Variants in ADIPOR2 observed in about 807,000 individuals in gnomAD.
The protein encoded by ADIPOR2 is adiponectin receptor protein 2.
In ADIPOR2, 18 loss-of-function variants were observed where a neutral mutation model predicts 40.9. That is an observed-to-expected ratio of 0.44 (90% CI 0.30 to 0.65). ADIPOR2 has a LOEUF of 0.65. Ranked by LOEUF, ADIPOR2 falls within the 30% of genes least tolerant of loss-of-function variation. The pLI is 0.09. For synonymous variants in ADIPOR2, 165 were observed against 166.4 expected (o/e 0.99, Z 0.06); for missense variants, 283 against 479.2 (o/e 0.59, Z 3.82).
intron 4 of ADIPOR2, 49 bp from the exon 5 acceptor site, chr12:1,780,402 C>A: frequency 6.8e-7 from 1 of 1,471,280 alleles, no homozygotes; most frequent in Non-Finnish European, 9.1e-7. Flanking sequence ...ATAATACTGT[C>A]TCTTCTAAAG....
chr12:1,784,157 T>G (rs146703640), intron 7 of ADIPOR2, 84 bp downstream of exon 7: 35 of 1,396,840 alleles, frequency 2.5e-5, no homozygotes, highest in Non-Finnish European at 3.2e-5. Flanking sequence ...AGAAAAAGTT[T>G]TAGACACAAA....
At chr12:1,760,691 A>G (rs953251151) in intron 2 of ADIPOR2, 4 of 152,204 alleles carry the variant, frequency 2.6e-5, no homozygotes, top group African/African-American at 9.7e-5. Flanking sequence ...ATTCCATTGT[A>G]TGGATATACA....
At chr12:1,701,427 AT>A (rs2094650037) in intron 1 of ADIPOR2, among the ~76,000 whole-genome samples, 1 of 152,124 alleles carries the variant, frequency 6.6e-6, no homozygotes, top group Admixed American at 6.5e-5. Context: ...TGGCCTGATC[AT>A]TTTTAATGCA....
chr12:1,774,492 C>T lies in ADIPOR2; in HGVS notation c.291+1531C>T, dbSNP rs548276421. ...CAGTGCAACTGACCACACTTGAAAACCAGCCGTGTCTAGTGGCACAGGGAT... is the reference window on the plus strand; with the variant it reads ...CAGTGCAACTGACCACACTTGAAAATCAGCCGTGTCTAGTGGCACAGGGAT... On this transcript the variant is annotated intron_variant, in intron 3 of 7. Coordinates refer to ENST00000357103, the MANE Select transcript of ADIPOR2 (RefSeq NM_024551.3). 1.3e-4 allele frequency among the ~76,000 whole-genome samples: 20 copies of T among 152,330 alleles called. No homozygotes were observed. The East Asian group carries it at 3.5e-3, about 26-fold the overall frequency.
chr12:1,748,614 A>G (rs1050360515), intron 1 of ADIPOR2, among the ~76,000 whole-genome samples: 2 of 151,818 alleles, frequency 1.3e-5, no homozygotes, highest in African/African-American at 4.8e-5. Context: ...ACCTAAATTT[A>G]CAGGTTGAAG....
rs181184460 is a variant in ADIPOR2 at position 1,773,793 on chromosome 12, G to A, written c.291+832G>A. 6.9e-3 allele frequency among the ~76,000 whole-genome samples: 1,052 copies of A among 152,196 alleles called. 8 individuals are homozygous for A. Among genetic ancestry groups the A allele is most frequent in the Non-Finnish European group, 0.011 (754 of 67,994 alleles). On this transcript the variant is annotated intron_variant, in intron 3 of 7. Coordinates refer to ENST00000357103, the MANE Select transcript of ADIPOR2 (RefSeq NM_024551.3). ...CTTTTATGAAACCAAAACTTTTTAT[G>A]TACATGGTCTTAGATCCAGGAGACT...
chr12:1,725,114 CCGCAAACTTTCTT>C (rs2094705235), intron 1 of ADIPOR2, among the ~76,000 whole-genome samples: 1 of 123,198 alleles, frequency 8.1e-6, no homozygotes, highest in African/African-American at 2.9e-5. Context: ...CATCCAAATA[CCGCAAACTTTCTT>C]TTTTTTTTTT....
At chr12:1,708,600 G>A (rs1280510435) in intron 1 of ADIPOR2, among the ~76,000 whole-genome samples, 2 of 152,038 alleles carry the variant, frequency 1.3e-5, no homozygotes, top group Non-Finnish European at 2.9e-5. Flanking sequence ...ATATCCAGTT[G>A]TTCAAGCACC....
intron 1 of ADIPOR2, among the ~76,000 whole-genome samples, chr12:1,723,577 T>C (rs1039655539): frequency 1.3e-4 from 20 of 151,358 alleles, no homozygotes; most frequent in Admixed American, 2.0e-4. Context: ...GAGGTGGAGG[T>C]TGCAGTGAGC....
intron 1 of ADIPOR2, among the ~76,000 whole-genome samples, chr12:1,754,035 A>G (rs1862059809): frequency 6.6e-6 from 1 of 152,218 alleles, no homozygotes; most frequent in Non-Finnish European, 1.5e-5. Flanking sequence ...ATATTTTTAT[A>G]ACATATAAGT....
At chr12:1,737,301 G>A (rs372541951) in intron 1 of ADIPOR2, among the ~76,000 whole-genome samples, 1 of 152,000 alleles carries the variant, frequency 6.6e-6, no homozygotes. Context: ...AAGTTGTTTT[G>A]TTTTGAGAGA....
chr12:1,724,538 A>G (rs2094704066), intron 1 of ADIPOR2, among the ~76,000 whole-genome samples: 1 of 152,184 alleles, frequency 6.6e-6, no homozygotes. Flanking sequence ...TCAGTTTTGC[A>G]AGTTGTAGAG....
At chr12:1,741,961 C>A in intron 1 of ADIPOR2, among the ~76,000 whole-genome samples, 1 of 150,320 alleles carries the variant, frequency 6.7e-6, no homozygotes, top group South Asian at 2.1e-4. Context: ...ATATCTCTTT[C>A]AAAAAGAATT....
intron 4 of ADIPOR2, chr12:1,778,505 A>C (rs1236916426): frequency 6.6e-6 from 1 of 152,494 alleles, no homozygotes; most frequent in Admixed American, 6.5e-5. Context: ...TGCTGGGATA[A>C]CTGAGCCATA....
At chr12:1,704,732 A>G (rs970168420) in intron 1 of ADIPOR2, among the ~76,000 whole-genome samples, 1 of 152,218 alleles carries the variant, frequency 6.6e-6, no homozygotes, top group Admixed American at 6.5e-5. Context: ...TTTAAGTATG[A>G]AGACCATTTT....
At chr12:1,778,526 T>G (rs1862646913) in intron 4 of ADIPOR2, 1 of 152,278 alleles carries the variant, frequency 6.6e-6, no homozygotes, top group South Asian at 2.1e-4. Context: ...TGTAAAAGAA[T>G]GATCCCGAAC....
chr12:1,712,842 G>A (rs140919434), intron 1 of ADIPOR2, among the ~76,000 whole-genome samples: 6,767 of 152,180 alleles, frequency 0.044, 259 homozygotes, highest in East Asian at 0.17. Context: ...GTTTCTTGCT[G>A]AGGGCCCTGG....
At chr12:1,757,766 C>T (rs1221514908) in intron 2 of ADIPOR2, 1 of 1,109,580 alleles carries the variant, frequency 9.0e-7, no homozygotes, top group South Asian at 1.2e-5. Context: ...ATGAATCCAG[C>T]AGGGTAGGTT....
intron 1 of ADIPOR2, among the ~76,000 whole-genome samples, chr12:1,736,266 T>G (rs1021725639): frequency 1.3e-5 from 2 of 152,210 alleles, no homozygotes; most frequent in Non-Finnish European, 2.9e-5. Context: ...TTGCCTCAAT[T>G]TCAGAGCCTG....
Sources: gnomAD v4.1 joint callset for allele counts (sites outside exome capture counted in the v4.1 genomes callset) on GRCh38, gnomAD v4.1.1 for gene constraint, MANE v1.5 for transcripts, NCBI Gene and HGNC (gene_info 2026-07-23, HGNC 2026-07-21) for gene names.